RBFOX1: variants seen among roughly 807,000 people sequenced by gnomAD.
RBFOX1 encodes RNA binding fox-1 homolog 1.
A neutral mutation model predicts 57.7 loss-of-function variants in RBFOX1; 8 were observed. The ratio of observed to expected loss-of-function variants is 0.14; its 90% CI spans 0.08 to 0.25. The LOEUF (loss-of-function observed/expected upper bound fraction) is 0.25. Ranked by LOEUF, RBFOX1 falls within the 10% of genes least tolerant of loss-of-function variation. The pLI, the probability that RBFOX1 is intolerant of heterozygous loss-of-function variation, is 1.00. For synonymous variants in RBFOX1, 326 were observed against 222.4 expected (o/e 1.47, Z -4.15); for missense variants, 611 against 548.5 (o/e 1.11, Z -1.14).
At chr16:7,630,943 G>A (rs771415349) in intron 11 of RBFOX1, among the ~76,000 whole-genome samples, 51 of 152,176 alleles carry the variant, frequency 3.4e-4, no homozygotes, top group Non-Finnish European at 6.6e-4. Context: ...GCATGGGAGG[G>A]TGGGAAGCTT....
At chr16:6,271,465 G>A (rs1333486210) in intron 1 of RBFOX1, among the ~76,000 whole-genome samples, 2 of 152,062 alleles carry the variant, frequency 1.3e-5, no homozygotes, top group African/African-American at 2.4e-5. Context: ...ATAAAGATGA[G>A]AGCAGAAATC....
intron 3 of RBFOX1, among the ~76,000 whole-genome samples, chr16:5,811,790 G>A (rs2342741): frequency 0.7 from 106,001 of 152,130 alleles, 37,170 homozygotes; most frequent in African/African-American, 0.76. Context: ...TGTAATTGAC[G>A]TGCTATAATA....
At chr16:6,837,039 A>G (rs2093150667) in intron 3 of RBFOX1, among the ~76,000 whole-genome samples, 3 of 152,176 alleles carry the variant, frequency 2.0e-5, no homozygotes, top group Non-Finnish European at 1.5e-5. Context: ...CTTTTACAGT[A>G]AGCCCAGGAC....
intron 2 of RBFOX1, among the ~76,000 whole-genome samples, chr16:6,460,871 T>C (rs1276744024): frequency 6.9e-6 from 1 of 145,328 alleles, no homozygotes; most frequent in Non-Finnish European, 1.5e-5. Context: ...CCATCAATGA[T>C]AGACTGGATA....
intron 4 of RBFOX1, among the ~76,000 whole-genome samples, chr16:7,310,872 C>A (rs1568149170): frequency 1.3e-5 from 2 of 152,200 alleles, no homozygotes; most frequent in South Asian, 4.1e-4. Context: ...AAAGCAAAGG[C>A]CCCTGTCCTC....
At chr16:7,470,592 G>A (rs112297196) in intron 4 of RBFOX1, among the ~76,000 whole-genome samples, 6,091 of 151,760 alleles carry the variant, frequency 0.04, 393 homozygotes, top group African/African-American at 0.14. Context: ...GGATGGATGG[G>A]CGGATGGATG....
chr16:6,823,971 C>T (rs986551359), intron 3 of RBFOX1, among the ~76,000 whole-genome samples: 1 of 152,158 alleles, frequency 6.6e-6, no homozygotes, highest in Non-Finnish European at 1.5e-5. Flanking sequence ...TGGTCCAAAT[C>T]TTGAAGGATG....
intron 1 of RBFOX1, among the ~76,000 whole-genome samples, chr16:6,075,987 A>G (rs1320990821): frequency 6.6e-6 from 1 of 152,174 alleles, no homozygotes; most frequent in East Asian, 1.9e-4. Context: ...TATCTTCTGT[A>G]AAGAAAATTG....
At chr16:6,246,532 G>A (rs554406088) in intron 1 of RBFOX1, among the ~76,000 whole-genome samples, 1 of 152,262 alleles carries the variant, frequency 6.6e-6, no homozygotes, top group Non-Finnish European at 1.5e-5. Flanking sequence ...AGGAAGAAGA[G>A]TGTTACTATG....
intron 3 of RBFOX1, among the ~76,000 whole-genome samples, chr16:6,943,632 C>A (rs898692736): frequency 2.0e-5 from 3 of 151,258 alleles, no homozygotes; most frequent in African/African-American, 7.3e-5. Flanking sequence ...GGCGTGAACC[C>A]GGGAGGCGGA....
chr16:6,563,130 C>G (rs747481416), intron 2 of RBFOX1, among the ~76,000 whole-genome samples: 1 of 152,024 alleles, frequency 6.6e-6, no homozygotes, highest in Non-Finnish European at 1.5e-5. Context: ...ATGCCTGGTG[C>G]AAAATGAATA....
At chr16:5,898,484 A>G (rs889415285) in intron 4 of RBFOX1, among the ~76,000 whole-genome samples, 18 of 151,492 alleles carry the variant, frequency 1.2e-4, no homozygotes, top group African/African-American at 4.3e-4. Flanking sequence ...TGTGGCCTTT[A>G]AGGAGGAGTA....
At chr16:7,577,273 A>G (rs551609952) in intron 5 of RBFOX1, among the ~76,000 whole-genome samples, 1 of 152,296 alleles carries the variant, frequency 6.6e-6, no homozygotes, top group South Asian at 2.1e-4. Context: ...GATGAAGCTC[A>G]GACTCTTGCT....
chr16:6,496,954 C>T (rs755823214), intron 2 of RBFOX1, among the ~76,000 whole-genome samples: 14 of 152,098 alleles, frequency 9.2e-5, no homozygotes, highest in African/African-American at 3.4e-4. Flanking sequence ...GAGAGAAACT[C>T]CGTCTTCGGA....
intron 3 of RBFOX1, among the ~76,000 whole-genome samples, chr16:6,849,715 G>A (rs539321291): frequency 6.6e-6 from 1 of 151,940 alleles, no homozygotes; most frequent in Non-Finnish European, 1.5e-5. Flanking sequence ...AAGTCCATCT[G>A]CCATGACTGT....
At chr16:7,152,851 C>A (rs968334989) in intron 4 of RBFOX1, among the ~76,000 whole-genome samples, 4 of 152,112 alleles carry the variant, frequency 2.6e-5, no homozygotes, top group African/African-American at 7.2e-5. Context: ...CCGAGTCTTG[C>A]ATGAAGGCAC....
intron 14 of RBFOX1, among the ~76,000 whole-genome samples, chr16:7,695,649 CAAA>C (rs34363093): frequency 3.4e-4 from 33 of 98,352 alleles, no homozygotes; most frequent in Admixed American, 3.7e-4. Flanking sequence ...AAGCCTCCAT[CAAA>C]AAAAAAAAAA....
At chr16:6,848,154 T>C (rs1211555126) in intron 3 of RBFOX1, among the ~76,000 whole-genome samples, 1 of 151,942 alleles carries the variant, frequency 6.6e-6, no homozygotes, top group East Asian at 2.0e-4. Context: ...AATGCTGTGT[T>C]ACCCCACAAG....
Position 6,616,132 on chromosome 16 carries a change from C to G in RBFOX1, c.-63-38471C>G, listed in dbSNP as rs138511127. ...CTGAAGAATCTTTTATAGGAAGTGT[C>G]AGGCCTTTTTGCAGGAGCAAATTTT... is the stretch of plus-strand genomic sequence containing the variant. On this transcript the variant is annotated intron_variant, in intron 2 of 15. Transcript: ENST00000550418. Among the ~76,000 whole-genome samples the G allele has an allele frequency of 2.8e-3, 432 of 152,290 alleles. 1 individual carries two copies. The highest frequency in any genetic ancestry group is 9.8e-3 in the African/African-American group (409 of 41,568).
Sources: gnomAD v4.1 joint callset for allele counts (sites outside exome capture counted in the v4.1 genomes callset) on GRCh38, gnomAD v4.1.1 for gene constraint, MANE v1.5 for transcripts, NCBI Gene and HGNC (gene_info 2026-07-23, HGNC 2026-07-21) for gene names.